Variants in LIPC observed in about 807,000 individuals in gnomAD.
The protein encoded by LIPC is hepatic triacylglycerol lipase.
Under a neutral mutation model 50.7 loss-of-function variants are expected in LIPC, and 44 were observed. That is an observed-to-expected ratio of 0.87 (90% CI 0.68 to 1.11). The LOEUF (loss-of-function observed/expected upper bound fraction) is 1.11, where lower values mean the gene tolerates loss of function less well. Ranked by LOEUF, LIPC falls within the 50% of genes most tolerant of loss-of-function variation. LIPC has a pLI of 0.00. For synonymous variants in LIPC, 271 were observed against 256.4 expected (o/e 1.06, Z -0.54); for missense variants, 697 against 648.2 (o/e 1.08, Z -0.82).
At chr15:58,513,078 G>T (rs1892381603) in intron 1 of LIPC, among the ~76,000 whole-genome samples, 1 of 152,254 alleles carries the variant, frequency 6.6e-6, no homozygotes, top group African/African-American at 2.4e-5. Flanking sequence ...CCTTTCTCAG[G>T]CATCCTGCCA....
chr15:58,539,281 G>A (rs1424421863), intron 2 of LIPC, among the ~76,000 whole-genome samples: 1 of 152,190 alleles, frequency 6.6e-6, no homozygotes, highest in Non-Finnish European at 1.5e-5. Flanking sequence ...ATGGCTTTTG[G>A]TATAAAAGAG....
intron 1 of LIPC, among the ~76,000 whole-genome samples, chr15:58,525,155 C>G (rs1287126282): frequency 1.3e-5 from 2 of 152,142 alleles, no homozygotes; most frequent in African/African-American, 4.8e-5. Flanking sequence ...TCTCCCAATA[C>G]TATTTTTTAA....
At chr15:58,541,501 A>C (rs1158999694) in intron 2 of LIPC, among the ~76,000 whole-genome samples, 2 of 151,104 alleles carry the variant, frequency 1.3e-5, no homozygotes, top group African/African-American at 4.9e-5. Context: ...GGCGGGGGGG[A>C]ACGTTTGGAA....
chr15:58,515,921 G>T (rs1159676593), intron 1 of LIPC, among the ~76,000 whole-genome samples: 1 of 152,156 alleles, frequency 6.6e-6, no homozygotes, highest in Non-Finnish European at 1.5e-5. Context: ...TAGTGTCACT[G>T]TGAAATTTTC....
At chr15:58,558,683 G>T (rs1894046951) in intron 6 of LIPC, among the ~76,000 whole-genome samples, 1 of 76,156 alleles carries the variant, frequency 1.3e-5, no homozygotes, top group African/African-American at 4.4e-5. Flanking sequence ...TCATCCTGAA[G>T]CTATCCCCCC....
At chr15:58,554,003 A>T (rs1893848796) in intron 6 of LIPC, among the ~76,000 whole-genome samples, 1 of 152,140 alleles carries the variant, frequency 6.6e-6, no homozygotes, top group Non-Finnish European at 1.5e-5. Flanking sequence ...AGGGGGAAAA[A>T]AAAAAAGCCC....
chr15:58,476,955 T>G (rs1891020078), intron 1 of LIPC, among the ~76,000 whole-genome samples: 1 of 152,180 alleles, frequency 6.6e-6, no homozygotes, highest in African/African-American at 2.4e-5. Flanking sequence ...TCAGGGTCAT[T>G]CTAACTCAAA....
At chr15:58,451,427 C>T (rs77134117) in intron 1 of LIPC, among the ~76,000 whole-genome samples, 210 of 152,226 alleles carry the variant, frequency 1.4e-3, no homozygotes, top group African/African-American at 4.8e-3. Context: ...TTTCTTCATT[C>T]GCTCCCCACC....
At chr15:58,555,849 T>C (rs1893927768) in intron 6 of LIPC, among the ~76,000 whole-genome samples, 1 of 152,168 alleles carries the variant, frequency 6.6e-6, no homozygotes, top group Middle Eastern at 3.2e-3. Flanking sequence ...ACAGTCAGGC[T>C]CCAGAGCACG....
chr15:58,444,015 T>C (rs1893598916), intron 1 of LIPC, among the ~76,000 whole-genome samples: 1 of 152,216 alleles, frequency 6.6e-6, no homozygotes, highest in African/African-American at 2.4e-5. Context: ...TCACTTCTTT[T>C]GTGGATCTTC....
At chr15:58,490,717 G>A (rs1195151421) in intron 1 of LIPC, among the ~76,000 whole-genome samples, 1 of 152,172 alleles carries the variant, frequency 6.6e-6, no homozygotes, top group Non-Finnish European at 1.5e-5. Flanking sequence ...CTCTGAACCC[G>A]GGGCTGGGAG....
intron 1 of LIPC, among the ~76,000 whole-genome samples, chr15:58,501,591 C>A (rs1256907792): frequency 6.6e-6 from 1 of 152,208 alleles, no homozygotes. Context: ...CTTCCATCAG[C>A]GCTGAATGAA....
At chr15:58,568,659 C>T (rs1173936916) in intron 8 of LIPC, 57 bp from the exon 9 acceptor site, 2 of 985,104 alleles carry the variant, frequency 2.0e-6, no homozygotes, top group Non-Finnish European at 3.2e-6. Context: ...GAATGAAACA[C>T]TTCAATAAGC....
At chr15:58,560,022 A>C (rs4444272) in intron 6 of LIPC, among the ~76,000 whole-genome samples, 144,375 of 152,162 alleles carry the variant, frequency 0.95, 68,696 homozygotes, top group South Asian at 0.99. Flanking sequence ...GGGGGTGATA[A>C]TAACAATGCC....
At chr15:58,461,626 C>A (rs1894351559) in intron 1 of LIPC, among the ~76,000 whole-genome samples, 2 of 151,676 alleles carry the variant, frequency 1.3e-5, no homozygotes, top group Non-Finnish European at 2.9e-5. Flanking sequence ...CCACATTGGC[C>A]AGGCTGGTCT....
At chr15:58,456,529 G>A (rs1363578439) in intron 1 of LIPC, among the ~76,000 whole-genome samples, 1 of 152,256 alleles carries the variant, frequency 6.6e-6, no homozygotes, top group Non-Finnish European at 1.5e-5. Flanking sequence ...ATGCAGCCCA[G>A]AGGCCCCTGG....
intron 1 of LIPC, among the ~76,000 whole-genome samples, chr15:58,483,198 A>G (rs1891251312): frequency 6.6e-6 from 1 of 152,204 alleles, no homozygotes; most frequent in African/African-American, 2.4e-5. Context: ...CTGAAATTCA[A>G]TGTAAATCAC....
intron 1 of LIPC, among the ~76,000 whole-genome samples, chr15:58,490,248 T>C (rs980221254): frequency 2.0e-5 from 3 of 152,108 alleles, no homozygotes; most frequent in Non-Finnish European, 4.4e-5. Context: ...CCAGGGGAGA[T>C]GCCCTAGAGC....
chr15:58,498,531 C>A (rs182997890), intron 1 of LIPC: 3 of 152,176 alleles, frequency 2.0e-5, no homozygotes, highest in Non-Finnish European at 4.4e-5. Context: ...AAACAGGGTG[C>A]AGTATATCCC....
Sources: allele counts gnomAD v4.1 joint callset (sites outside exome capture counted in the v4.1 genomes callset), GRCh38; gene constraint gnomAD v4.1.1; transcripts MANE v1.5; gene names NCBI Gene and HGNC (gene_info 2026-07-23, HGNC 2026-07-21).